Variants in CLASP1 observed in about 807,000 individuals in gnomAD.
CLASP1 encodes the protein cytoplasmic linker associated protein 1, also known as CLIP-associating protein 1.
CLASP1 carries 38 observed loss-of-function variants against 192.3 expected under a neutral mutation model. The ratio of observed to expected loss-of-function variants is 0.20; its 90% confidence interval spans 0.15 to 0.26. CLASP1 has a LOEUF of 0.26. Among genes scored for constraint, CLASP1 ranks in the 10% least tolerant of loss-of-function variants. CLASP1 has a pLI of 1.00. For synonymous variants in CLASP1, 691 were observed against 712.8 expected, an observed-to-expected ratio of 0.97 and a Z score of 0.49; for missense variants, 1,433 against 1,932.5, an observed-to-expected ratio of 0.74 and a Z score of 4.85.
chr2:121,379,682 A>C (rs1207068429), intron 33 of CLASP1, among the ~76,000 whole-genome samples: 1 of 152,254 alleles, frequency 6.6e-6, no homozygotes, highest in East Asian at 1.9e-4. Flanking sequence ...GATGGGATGG[A>C]CAAGAGGAAG....
chr2:121,638,269 A>G (rs2071282635), intron 1 of CLASP1, among the ~76,000 whole-genome samples: 1 of 152,138 alleles, frequency 6.6e-6, no homozygotes, highest in South Asian at 2.1e-4. Context: ...GATACTACTT[A>G]TATTATAGAA....
At chr2:121,490,498 T>G in intron 8 of CLASP1, among the ~76,000 whole-genome samples, 1 of 152,198 alleles carries the variant, frequency 6.6e-6, no homozygotes, top group East Asian at 1.9e-4. Context: ...GGGGGAGGTG[T>G]GAGCCTTCTC....
chr2:121,474,112 ATGAC>A (rs995714635), intron 8 of CLASP1, among the ~76,000 whole-genome samples: 37 of 152,288 alleles, frequency 2.4e-4, no homozygotes, highest in African/African-American at 8.4e-4. Context: ...TCTATAAAAG[ATGAC>A]TGACTGTTTA....
chr2:121,649,305 G>A (rs1176241380), intron 1 of CLASP1, 67 bp downstream of exon 1: 1 of 152,298 alleles, frequency 6.6e-6, no homozygotes, highest in Non-Finnish European at 1.5e-5. Flanking sequence ...GCCCGCCACT[G>A]CGCGGGAGGG....
chr2:121,519,300 G>A (rs962375272), intron 6 of CLASP1, among the ~76,000 whole-genome samples: 3 of 152,100 alleles, frequency 2.0e-5, no homozygotes, highest in Admixed American at 6.5e-5. Flanking sequence ...GAACTGAAAC[G>A]CCTACACAGG....
exon 40 of CLASP1, chr2:121,339,131 C>CCACATACACACACACA (rs1553443051): frequency 1.4e-5 from 2 of 143,514 alleles, no homozygotes; most frequent in African/African-American, 5.2e-5. Flanking sequence ...ACACACAACA[C>CCACATACACACACACA]CACACACACA....
Position 121,640,887 on chromosome 2 carries a change from C to G in CLASP1, c.-286+8485G>C, listed in dbSNP as rs1576695493. On this transcript the variant is annotated intron_variant, in intron 1 of 39. Transcript: ENST00000263710. ...ATACCTCTAGCACCCATCCAACTGCCTGGCAAATGGTGAGTGTTCTATCTC... is the reference window on the plus strand; with the variant it reads ...ATACCTCTAGCACCCATCCAACTGCGTGGCAAATGGTGAGTGTTCTATCTC... 3.9e-5 allele frequency among the ~76,000 whole-genome samples: 6 copies of G among 152,184 alleles called. 1 individual carries two copies. The highest frequency in any genetic ancestry group is 3.9e-4 in the Admixed American group (6 of 15,282).
chr2:121,429,700 T>C (rs56723322), intron 20 of CLASP1, among the ~76,000 whole-genome samples: 5,870 of 152,276 alleles, frequency 0.039, 158 homozygotes, highest in East Asian at 0.14. Context: ...GGAAAGAACA[T>C]AGCATTAATA....
chr2:121,515,797 G>C, intron 6 of CLASP1, 35 bp from the exon 7 acceptor site: 1 of 1,577,716 alleles, frequency 6.3e-7, no homozygotes, highest in South Asian at 1.1e-5. Flanking sequence ...CAGCTGCTCT[G>C]TGTCATCCCC....
At chr2:121,461,426 T>C (rs1303599409) in intron 10 of CLASP1, among the ~76,000 whole-genome samples, 1 of 152,214 alleles carries the variant, frequency 6.6e-6, no homozygotes, top group African/African-American at 2.4e-5. Context: ...AACATAGCTT[T>C]ACTATAAACT....
At chr2:121,409,004 A>G (rs1307138227) in intron 24 of CLASP1, 1 of 1,552,562 alleles carries the variant, frequency 6.4e-7, no homozygotes, top group Non-Finnish European at 8.7e-7. Flanking sequence ...GTTGTAAAAC[A>G]AAAGTTAAAG....
At chr2:121,626,731 A>C (rs1200981608) in intron 1 of CLASP1, among the ~76,000 whole-genome samples, 1 of 152,152 alleles carries the variant, frequency 6.6e-6, no homozygotes, top group African/African-American at 2.4e-5. Context: ...GGCCAGAACC[A>C]AGATTTGAAC....
At position 121,450,043 on chromosome 2, in the gene CLASP1, T is replaced by C. The variant is rs115948467; in HGVS notation, c.1523+870A>G. 6.3e-3 allele frequency among the ~76,000 whole-genome samples: 953 copies of C among 152,258 alleles called. 13 individuals are homozygous for C. The highest frequency in any genetic ancestry group is 0.021 in the African/African-American group (884 of 41,540). ...TTTACAGTCACACTGGCAAAAATTATTTCCAAGGCTGGACACAGTGGCTCA... is the reference window on the plus strand; with the variant it reads ...TTTACAGTCACACTGGCAAAAATTACTTCCAAGGCTGGACACAGTGGCTCA... On this transcript the variant is annotated intron_variant, in intron 16 of 39. Coordinates refer to ENST00000263710, the Ensembl canonical transcript of CLASP1.
chr2:121,387,880 C>G (rs1683497443), exon 31 of CLASP1: 20 of 1,612,446 alleles, frequency 1.2e-5, no homozygotes, highest in Non-Finnish European at 1.4e-5. Context: ...TCAATTCAAA[C>G]AGAGAGATTA....
intron 19 of CLASP1, among the ~76,000 whole-genome samples, chr2:121,433,190 C>T (rs1200768803): frequency 6.6e-6 from 1 of 151,812 alleles, no homozygotes; most frequent in Non-Finnish European, 1.5e-5. Flanking sequence ...GGCATGGTGG[C>T]GCATGTCTGT....
At chr2:121,594,173 G>A (rs1244309427) in intron 2 of CLASP1, among the ~76,000 whole-genome samples, 3 of 148,438 alleles carry the variant, frequency 2.0e-5, no homozygotes, top group Admixed American at 6.7e-5. Context: ...GGTGGCGGGC[G>A]CCTGTAGTCC....
At chr2:121,598,931 C>A (rs1249013156) in intron 2 of CLASP1, among the ~76,000 whole-genome samples, 1 of 152,070 alleles carries the variant, frequency 6.6e-6, no homozygotes, top group East Asian at 1.9e-4. Context: ...AGTGGTGCAA[C>A]CTCAGCTCAC....
At chr2:121,415,424 A>C (rs6741342) in intron 23 of CLASP1, among the ~76,000 whole-genome samples, 6,374 of 152,326 alleles carry the variant, frequency 0.042, 169 homozygotes, top group East Asian at 0.14. Flanking sequence ...GAGCAACCTC[A>C]AATTTACAAT....
chr2:121,539,008 A>T (rs1485808316), intron 2 of CLASP1, among the ~76,000 whole-genome samples: 3 of 152,200 alleles, frequency 2.0e-5, no homozygotes, highest in African/African-American at 4.8e-5. Context: ...AATTTTTAAA[A>T]TTTTTTTAAG....
Sources: gnomAD v4.1 joint callset for allele counts (sites outside exome capture counted in the v4.1 genomes callset) on GRCh38, gnomAD v4.1.1 for gene constraint, MANE v1.5 for transcripts, NCBI Gene and HGNC (gene_info 2026-07-23, HGNC 2026-07-21) for gene names.